The following SETD5 variants were observed in gnomAD, a reference collection of about 807,000 sequenced individuals.
SETD5 encodes SET domain containing 5.
In SETD5, 44 loss-of-function variants were observed where a neutral mutation model predicts 153.3. The observed-to-expected ratio is 0.29, with a 90% CI of 0.23 to 0.37. The LOEUF (loss-of-function observed/expected upper bound fraction) is 0.37. Ranked by LOEUF, SETD5 falls within the 10% of genes least tolerant of loss-of-function variation. SETD5 has a pLI of 1.00. For missense variants in SETD5, 1,544 were observed against 1,768.0 expected, an observed-to-expected ratio of 0.87 and a Z score of 2.27; for synonymous variants, 716 against 645.2, an observed-to-expected ratio of 1.11 and a Z score of -1.66.
intron 18 of SETD5, among the ~76,000 whole-genome samples, chr3:9,467,408 CTTAG>C (rs1207401189): frequency 6.6e-5 from 10 of 151,882 alleles, no homozygotes; most frequent in Non-Finnish European, 1.3e-4. Flanking sequence ...GGAGGACAAG[CTTAG>C]TTAGCCTCTC....
At chr3:9,451,350 A>G (rs1041753593) in intron 16 of SETD5, among the ~76,000 whole-genome samples, 17 of 152,170 alleles carry the variant, frequency 1.1e-4, no homozygotes, top group Admixed American at 9.2e-4. Context: ...AATTGGGATC[A>G]TTGTCCTAAA....
intron 7 of SETD5, 97 bp downstream of exon 7, chr3:9,436,003 G>C: frequency 8.6e-7 from 1 of 1,166,508 alleles, no homozygotes. Flanking sequence ...GTTTGATCCA[G>C]GTGTTTGAAG....
At chr3:9,466,065 G>A (rs1161857830) in intron 18 of SETD5, among the ~76,000 whole-genome samples, 1 of 152,032 alleles carries the variant, frequency 6.6e-6, no homozygotes, top group African/African-American at 2.4e-5. Flanking sequence ...GAGGCAGGCG[G>A]ATCACGAGGT....
chr3:9,470,311 AC>A, intron 18 of SETD5, 147 bp from the exon 19 acceptor site: 1 of 659,636 alleles, frequency 1.5e-6, no homozygotes, highest in Non-Finnish European at 2.7e-6. Context: ...GCTACGTGGG[AC>A]TTTTACAGAA....
chr3:9,459,112 C>G (rs2043611145), intron 17 of SETD5, among the ~76,000 whole-genome samples: 1 of 152,110 alleles, frequency 6.6e-6, no homozygotes, highest in Non-Finnish European at 1.5e-5. Flanking sequence ...TTGTCAGATG[C>G]TTGAAGTGGT....
At chr3:9,470,377 G>A in intron 18 of SETD5, 82 bp from the exon 19 acceptor site, 6 of 997,934 alleles carry the variant, frequency 6.0e-6, no homozygotes, top group Non-Finnish European at 9.3e-6. Context: ...CTGTTCACCT[G>A]TGTCCCTCTC....
chr3:9,430,800 T>G (rs939554888), intron 3 of SETD5: 1 of 984,282 alleles, frequency 1.0e-6, no homozygotes, highest in Non-Finnish European at 1.2e-6. Context: ...AGTCTAGGAC[T>G]AATTCCAGAA....
chr3:9,457,399 A>G (rs1224347212), intron 17 of SETD5, among the ~76,000 whole-genome samples: 1 of 152,098 alleles, frequency 6.6e-6, no homozygotes, highest in East Asian at 1.9e-4. Context: ...AGGCAGGAAA[A>G]TAGCATGAAC....
Position 9,452,745 on chromosome 3 carries a change from C to T in SETD5, c.2347-994C>T, listed in dbSNP as rs143199565. Among the ~76,000 whole-genome samples, 7 of 135,158 alleles carry T rather than the reference C, an allele frequency of 5.2e-5. No homozygotes were observed. The East Asian group carries it at 1.6e-3, about 30-fold the overall frequency. The allele number at this position is 135,158 out of a possible 152,430, so 88.7% of individuals were successfully genotyped here. A position where few individuals can be genotyped will look rare whatever the true frequency, so the allele number is the denominator to read the frequency against. On this transcript the variant is annotated intron_variant, in intron 16 of 22. Transcript: ENST00000402198. ...AGAGGGAAAATCTATGAGAATTGCT[C>T]TCTGGTGAAGAGAGTATTTACTTAC...
intron 7 of SETD5, chr3:9,436,899 A>T: frequency 6.5e-7 from 1 of 1,549,308 alleles, no homozygotes; most frequent in East Asian, 2.4e-5. Flanking sequence ...GTAAGGGGTA[A>T]TCTTCGCTGA....
intron 3 of SETD5, chr3:9,432,187 T>G (rs979079694): frequency 6.7e-6 from 4 of 599,752 alleles, no homozygotes; most frequent in Non-Finnish European, 8.4e-6. Flanking sequence ...GTTCCCATCT[T>G]GCAGACACTT....
At chr3:9,400,772 A>G (rs1003303104) in intron 1 of SETD5, among the ~76,000 whole-genome samples, 4 of 152,234 alleles carry the variant, frequency 2.6e-5, no homozygotes, top group African/African-American at 7.2e-5. Flanking sequence ...CAGAAATCGA[A>G]TAAGTCTAGT....
At chr3:9,433,691 A>T in intron 3 of SETD5, 154 bp from the exon 4 acceptor site, 1 of 883,186 alleles carries the variant, frequency 1.1e-6, no homozygotes, top group Non-Finnish European at 1.7e-6. Context: ...TTATAGGCTT[A>T]GTTATGTTAA....
At chr3:9,462,630 A>T (rs1022245992) in intron 17 of SETD5, among the ~76,000 whole-genome samples, 4 of 151,576 alleles carry the variant, frequency 2.6e-5, no homozygotes, top group African/African-American at 9.7e-5. Context: ...AGATGGGGCC[A>T]GGCGTGGTGG....
intron 7 of SETD5, chr3:9,436,984 G>C: frequency 8.8e-7 from 1 of 1,132,866 alleles, no homozygotes; most frequent in Non-Finnish European, 1.3e-6. Flanking sequence ...GGGAATCTTG[G>C]ACTCTGCTTT....
intron 10 of SETD5, among the ~76,000 whole-genome samples, chr3:9,442,702 C>T (rs1329157178): frequency 2.6e-5 from 4 of 152,096 alleles, no homozygotes; most frequent in African/African-American, 9.7e-5. Context: ...TACTTACTGG[C>T]TAAGGAATTT....
At position 9,476,355 on chromosome 3, in the gene SETD5, G is replaced by T; in HGVS notation, c.*264G>T. ...ATTGTTGACAAGCAAATGGTGTTTC[G>T]GTTAGTAACGGTTCTAAGTGCAATG... is the stretch of plus-strand genomic sequence containing the variant. On this transcript the variant is annotated 3_prime_UTR_variant, in exon 23 of 23. Transcript: ENST00000402198. The T allele has an allele frequency of 2.2e-6, 1 of 446,420 alleles. No individual in the cohort carries two copies. The highest frequency in any genetic ancestry group is 4.1e-6 in the Non-Finnish European group (1 of 246,308). 27.7% of individuals were successfully genotyped at this position (446,420 alleles called of 1,614,324 possible).
chr3:9,475,668 C>T lies in SETD5; in HGVS notation c.3906C>T (p.Pro1302=), dbSNP rs771806923. ...SSLSSTSYSS[P]AHPVSTDSLA... Reference sequence around the variant, plus strand: ...TCTCTTCCACGTCCTATTCCAGCCCCGCCCACCCTGTGTCCACAGACTCGT... The same window carrying T: ...TCTCTTCCACGTCCTATTCCAGCCCTGCCCACCCTGTGTCCACAGACTCGT... Residue 1302 remains proline, a synonymous_variant, in exon 23 of 23, where the codon CCC becomes CCT. Transcript: ENST00000402198. The T allele has an allele frequency of 1.4e-5, 22 of 1,613,888 alleles. No homozygotes were observed. In the Middle Eastern group the frequency reaches 8.2e-4, roughly 60 times the overall value.
At chr3:9,430,993 C>A in intron 3 of SETD5, 2 of 985,350 alleles carry the variant, frequency 2.0e-6, no homozygotes, top group Non-Finnish European at 2.4e-6. Context: ...AGCTACATAC[C>A]ATTCTGTTAA....
Sources: gnomAD v4.1 joint callset for allele counts (sites outside exome capture counted in the v4.1 genomes callset) on GRCh38, gnomAD v4.1.1 for gene constraint, MANE v1.5 for transcripts, NCBI Gene and HGNC (gene_info 2026-07-23, HGNC 2026-07-21) for gene names.